The following RORA variants were observed in gnomAD, a reference collection of about 807,000 sequenced individuals.
RORA encodes nuclear receptor ROR-alpha.
A neutral mutation model predicts 69.5 loss-of-function variants in RORA; 7 were observed. The ratio of observed to expected loss-of-function variants is 0.10; its 90% confidence interval spans 0.06 to 0.19. The LOEUF is 0.19. RORA is among the 10% of genes least tolerant of loss of function. The pLI, the probability that RORA is intolerant of heterozygous loss-of-function variation, is 1.00. For synonymous variants in RORA, 261 were observed against 240.8 expected (o/e 1.08, Z -0.78); for missense variants, 457 against 663.0 (o/e 0.69, Z 3.41).
In RORA at chr15:60,596,220, T is replaced by C. The variant is rs545349110; in HGVS notation, c.197-64369A>G. 1.1e-4 allele frequency among the ~76,000 whole-genome samples: 17 copies of C among 152,306 alleles called. No homozygotes were observed. The South Asian group carries it at 3.5e-3, about 32-fold the overall frequency. On this transcript the variant is annotated intron_variant, in intron 2 of 10. Transcript: ENST00000335670. ...GGCAAACTTATCCCGAATCTGCAAG[T>C]GGCTCCTAGGACAAAGGTGATTTCA...
intron 2 of RORA, among the ~76,000 whole-genome samples, chr15:60,665,636 A>G (rs1467754802): frequency 6.6e-6 from 1 of 152,200 alleles, no homozygotes; most frequent in Non-Finnish European, 1.5e-5. Context: ...TCAGTTTCCA[A>G]ACTATTATAA....
intron 1 of RORA, among the ~76,000 whole-genome samples, chr15:60,993,201 T>C (rs1342439055): frequency 6.6e-6 from 1 of 152,224 alleles, no homozygotes; most frequent in Non-Finnish European, 1.5e-5. Flanking sequence ...AATCTGTGCA[T>C]TCTTCTAGCA....
intron 1 of RORA, among the ~76,000 whole-genome samples, chr15:60,717,487 A>G (rs1242927313): frequency 1.3e-5 from 2 of 152,202 alleles, no homozygotes; most frequent in Non-Finnish European, 2.9e-5. Context: ...TACCTATAGC[A>G]TGTAATAAAA....
intron 1 of RORA, among the ~76,000 whole-genome samples, chr15:60,850,582 G>A (rs2073313474): frequency 6.6e-6 from 1 of 152,126 alleles, no homozygotes; most frequent in African/African-American, 2.4e-5. Flanking sequence ...CCTGTGCCTG[G>A]TGCATGGTAA....
chr15:60,995,819 A>G (rs2140374434), intron 1 of RORA, among the ~76,000 whole-genome samples: 1 of 152,336 alleles, frequency 6.6e-6, no homozygotes, highest in African/African-American at 2.4e-5. Context: ...CAGAGTATGA[A>G]TATGAAAAAA....
intron 1 of RORA, among the ~76,000 whole-genome samples, chr15:61,171,670 C>T (rs539542047): frequency 9.8e-5 from 15 of 152,322 alleles, no homozygotes; most frequent in South Asian, 8.3e-4. Flanking sequence ...TATGACACAT[C>T]GCTCACTTTC....
chr15:61,027,695 C>A (rs146073546), intron 1 of RORA, among the ~76,000 whole-genome samples: 9 of 152,230 alleles, frequency 5.9e-5, no homozygotes, highest in African/African-American at 2.2e-4. Flanking sequence ...TTAAATCTTG[C>A]AATTAATAGG....
intron 1 of RORA, among the ~76,000 whole-genome samples, chr15:61,071,584 GA>G (rs2078361263): frequency 4.0e-5 from 1 of 25,304 alleles, no homozygotes; most frequent in Non-Finnish European, 7.5e-5. Context: ...GGGGAGAGGG[GA>G]GGGGTGGGGA....
At chr15:61,148,978 T>A (rs2079374665) in intron 1 of RORA, among the ~76,000 whole-genome samples, 1 of 152,200 alleles carries the variant, frequency 6.6e-6, no homozygotes, top group Admixed American at 6.5e-5. Flanking sequence ...CCTCTGCAGC[T>A]CTGTTGGGGC....
chr15:61,125,082 C>T (rs139784192), intron 1 of RORA, among the ~76,000 whole-genome samples: 21 of 152,284 alleles, frequency 1.4e-4, no homozygotes, highest in Admixed American at 5.2e-4. Context: ...TCTGTGATTG[C>T]AATGTTGGTG....
intron 1 of RORA, among the ~76,000 whole-genome samples, chr15:61,202,210 C>T (rs979020215): frequency 2.1e-4 from 32 of 152,158 alleles, no homozygotes; most frequent in Non-Finnish European, 1.8e-4. Flanking sequence ...TGGGGTTTCA[C>T]CATGTTCATC....
intron 1 of RORA, among the ~76,000 whole-genome samples, chr15:60,808,683 C>CATATATATGTTATATATATATAT (rs1422517887): frequency 4.0e-5 from 6 of 148,964 alleles, no homozygotes; most frequent in African/African-American, 1.5e-4. Context: ...AATATATAAA[C>CATATATATGTTATATATATATAT]ATATATATGT....
intron 1 of RORA, among the ~76,000 whole-genome samples, chr15:61,227,289 C>A (rs1425367054): frequency 1.3e-5 from 2 of 151,926 alleles, no homozygotes; most frequent in Non-Finnish European, 2.9e-5. Flanking sequence ...ACATAACCCG[C>A]TCGCATTCCA....
At chr15:61,162,582 A>T (rs1231882242) in intron 1 of RORA, among the ~76,000 whole-genome samples, 1 of 152,156 alleles carries the variant, frequency 6.6e-6, no homozygotes, top group Non-Finnish European at 1.5e-5. Flanking sequence ...CCTGACATTT[A>T]AAAATAATTT....
intron 2 of RORA, among the ~76,000 whole-genome samples, chr15:60,674,976 A>G (rs1402421457): frequency 3.3e-5 from 5 of 152,120 alleles, no homozygotes; most frequent in Admixed American, 2.0e-4. Flanking sequence ...TCAGGGGCCT[A>G]CCAGATATCT....
intron 2 of RORA, chr15:60,544,779 A>T (rs1351698523): frequency 6.6e-6 from 1 of 152,138 alleles, no homozygotes; most frequent in East Asian, 1.9e-4. Context: ...ATGCAAATCC[A>T]TTTCCTATTG....
At chr15:60,960,295 C>T (rs772016041) in intron 1 of RORA, among the ~76,000 whole-genome samples, 12 of 152,194 alleles carry the variant, frequency 7.9e-5, no homozygotes, top group Non-Finnish European at 1.3e-4. Context: ...TGCTCTCATG[C>T]AATTCCTGTA....
chr15:60,652,850 C>T (rs1421040028), intron 2 of RORA, among the ~76,000 whole-genome samples: 2 of 152,196 alleles, frequency 1.3e-5, no homozygotes, highest in Non-Finnish European at 2.9e-5. Flanking sequence ...AATCAAAATG[C>T]TCAATGCTGG....
chr15:60,898,281 G>A (rs533789854), intron 1 of RORA, among the ~76,000 whole-genome samples: 1 of 152,142 alleles, frequency 6.6e-6, no homozygotes, highest in African/African-American at 2.4e-5. Context: ...TTTAGGCTTT[G>A]GAGGCCTTCT....
Sources: allele counts gnomAD v4.1 joint callset (sites outside exome capture counted in the v4.1 genomes callset), GRCh38; gene constraint gnomAD v4.1.1; transcripts MANE v1.5; gene names NCBI Gene and HGNC (gene_info 2026-07-23, HGNC 2026-07-21).